Variants in ZMYND8 observed in about 807,000 individuals in gnomAD.
ZMYND8 encodes zinc finger MYND-type containing 8.
Under a neutral mutation model 140.8 loss-of-function variants are expected in ZMYND8, and 37 were observed. That is an observed-to-expected ratio of 0.26 (90% confidence interval 0.20 to 0.35). The LOEUF is 0.35. Ranked by LOEUF, ZMYND8 falls within the 10% of genes least tolerant of loss-of-function variation. The probability of loss-of-function intolerance (pLI) is 1.00; values close to 1 mark genes in which losing one functional copy is unlikely to be tolerated. For missense variants in ZMYND8, 1,068 were observed against 1,570.0 expected (o/e 0.68, Z 5.40); for synonymous variants, 592 against 597.1 (o/e 0.99, Z 0.12).
chr20:47,266,841 G>C (rs866069740), intron 11 of ZMYND8, among the ~76,000 whole-genome samples: 2 of 151,842 alleles, frequency 1.3e-5, no homozygotes, highest in South Asian at 4.2e-4. Context: ...GGTGTGTGGT[G>C]TGTATAGACA....
intron 11 of ZMYND8, among the ~76,000 whole-genome samples, 193 bp downstream of exon 11, chr20:47,276,121 G>A (rs2076241383): frequency 6.6e-6 from 1 of 152,138 alleles, no homozygotes; most frequent in African/African-American, 2.4e-5. Context: ...GTGGCCTTTT[G>A]GGGACACTTT....
intron 11 of ZMYND8, among the ~76,000 whole-genome samples, chr20:47,270,250 A>G (rs927026468): frequency 6.6e-6 from 1 of 151,308 alleles, no homozygotes; most frequent in African/African-American, 2.4e-5. Context: ...AAAAAAAAAA[A>G]AAATCCCAGC....
intron 3 of ZMYND8, among the ~76,000 whole-genome samples, chr20:47,307,057 T>C (rs113492912): frequency 2.0e-5 from 3 of 152,230 alleles, no homozygotes; most frequent in African/African-American, 7.2e-5. Flanking sequence ...TCTATGTTGA[T>C]GTTCTAACCC....
chr20:47,336,509 A>G (rs1055107053), intron 2 of ZMYND8, among the ~76,000 whole-genome samples: 3 of 152,210 alleles, frequency 2.0e-5, no homozygotes, highest in African/African-American at 7.2e-5. Flanking sequence ...CAGCCCAAAC[A>G]GGGGAGCCTT....
chr20:47,293,587 T>G (rs2077441543), intron 5 of ZMYND8, among the ~76,000 whole-genome samples: 2 of 152,230 alleles, frequency 1.3e-5, no homozygotes, highest in Non-Finnish European at 2.9e-5. Context: ...GGTTCCATCA[T>G]CAGATCTGGG....
At chr20:47,293,632 T>C (rs1227635544) in intron 5 of ZMYND8, among the ~76,000 whole-genome samples, 2 of 152,230 alleles carry the variant, frequency 1.3e-5, no homozygotes, top group Non-Finnish European at 1.5e-5. Flanking sequence ...AGCTTCCTCA[T>C]TGAAATGGAT....
intron 2 of ZMYND8, among the ~76,000 whole-genome samples, chr20:47,337,224 C>A (rs190340797): frequency 6.6e-6 from 1 of 151,874 alleles, no homozygotes; most frequent in African/African-American, 2.4e-5. Context: ...TGGTGGCAGG[C>A]GCCTGTAACC....
intron 1 of ZMYND8, among the ~76,000 whole-genome samples, chr20:47,350,623 G>C (rs1569260803): frequency 6.6e-6 from 1 of 151,378 alleles, no homozygotes. Flanking sequence ...TCATTTGGGG[G>C]AAAAAAAACA....
chr20:47,215,875 T>C (rs1464325970), intron 21 of ZMYND8, among the ~76,000 whole-genome samples: 2 of 152,156 alleles, frequency 1.3e-5, no homozygotes, highest in Non-Finnish European at 2.9e-5. Flanking sequence ...TATAAGAACA[T>C]GGCCATTGTC....
intron 10 of ZMYND8, among the ~76,000 whole-genome samples, chr20:47,281,177 A>G (rs535223580): frequency 6.6e-6 from 1 of 152,334 alleles, no homozygotes; most frequent in South Asian, 2.1e-4. Flanking sequence ...CACCATCTCA[A>G]TAATTTCCAT....
intron 10 of ZMYND8, among the ~76,000 whole-genome samples, chr20:47,278,324 C>A (rs2076382319): frequency 6.6e-6 from 1 of 152,098 alleles, no homozygotes; most frequent in Admixed American, 6.6e-5. Flanking sequence ...CAAACTGAAG[C>A]CCGGTAGAAA....
intron 20 of ZMYND8, 43 bp downstream of exon 20, chr20:47,221,271 A>C: frequency 6.2e-7 from 1 of 1,606,314 alleles, no homozygotes; most frequent in Non-Finnish European, 8.5e-7. Flanking sequence ...CACTTGGCAC[A>C]AAGGGTAGAT....
At chr20:47,266,405 C>T (rs2147634786) in intron 11 of ZMYND8, among the ~76,000 whole-genome samples, 1 of 152,268 alleles carries the variant, frequency 6.6e-6, no homozygotes, top group South Asian at 2.1e-4. Flanking sequence ...CTCAGCCTCA[C>T]AAGCAGCTGG....
At chr20:47,287,116 C>T (rs1296347923) in intron 8 of ZMYND8, 113 bp downstream of exon 8, 26 of 948,468 alleles carry the variant, frequency 2.7e-5, no homozygotes, top group Non-Finnish European at 1.0e-5. Context: ...GTGGCCTCAA[C>T]AAATTCCAAA....
intron 2 of ZMYND8, chr20:47,318,940 G>A (rs2079658014): frequency 1.5e-6 from 2 of 1,350,170 alleles, no homozygotes; most frequent in Non-Finnish European, 2.0e-6. Flanking sequence ...ACGCCAAGAG[G>A]AGGCACTTAC....
chr20:47,229,067 C>T (rs1209282435), intron 17 of ZMYND8, among the ~76,000 whole-genome samples: 1 of 151,572 alleles, frequency 6.6e-6, no homozygotes, highest in African/African-American at 2.4e-5. Context: ...ACAATCACAA[C>T]TTACTGCAGC....
intron 14 of ZMYND8, among the ~76,000 whole-genome samples, chr20:47,245,751 T>C (rs936761491): frequency 3.9e-5 from 6 of 152,252 alleles, no homozygotes; most frequent in African/African-American, 1.4e-4. Context: ...CTTCTCTTTC[T>C]GTACTCAAAA....
chr20:47,327,605 G>C (rs1302901190), intron 2 of ZMYND8, among the ~76,000 whole-genome samples: 1 of 151,848 alleles, frequency 6.6e-6, no homozygotes, highest in Non-Finnish European at 1.5e-5. Context: ...GCACTGAGCA[G>C]AGTTTGTGCC....
At chr20:47,343,520 AT>A (rs1030453577) in intron 2 of ZMYND8, among the ~76,000 whole-genome samples, 11 of 149,630 alleles carry the variant, frequency 7.4e-5, no homozygotes, top group South Asian at 2.1e-4. Flanking sequence ...AGAATTCTAA[AT>A]TTTTTTTTTT....
Sources: allele counts gnomAD v4.1 joint callset (sites outside exome capture counted in the v4.1 genomes callset), GRCh38; gene constraint gnomAD v4.1.1; transcripts MANE v1.5; gene names NCBI Gene and HGNC (gene_info 2026-07-23, HGNC 2026-07-21).